Variants in BIN1 observed in about 807,000 individuals in gnomAD.
BIN1 encodes myc box-dependent-interacting protein 1.
Under a neutral mutation model 82.0 loss-of-function variants are expected in BIN1, and 53 were observed. That is an observed-to-expected ratio of 0.65 (90% CI 0.52 to 0.81). BIN1 has a LOEUF of 0.81. Among genes scored for constraint, BIN1 ranks in the 40% least tolerant of loss-of-function variants. BIN1 has a pLI of 0.00. For missense variants in BIN1, 642 were observed against 784.4 expected, an observed-to-expected ratio of 0.82 and a Z score of 2.17; for synonymous variants, 302 against 328.0, an observed-to-expected ratio of 0.92 and a Z score of 0.86.
chr2:127,051,526 C>T (rs1390308855), intron 15 of BIN1, among the ~76,000 whole-genome samples: 1 of 152,128 alleles, frequency 6.6e-6, no homozygotes, highest in African/African-American at 2.4e-5. Flanking sequence ...AGTGCCACCC[C>T]CAACCCCGCC....
chr2:127,106,455 C>T (rs1681143075), intron 1 of BIN1, among the ~76,000 whole-genome samples: 1 of 152,204 alleles, frequency 6.6e-6, no homozygotes, highest in Admixed American at 6.5e-5. Context: ...AGCGCCGGCC[C>T]AGCCTAGGTT....
rs1248551629 is a variant in BIN1, at chr2:127,068,720, C to G, written c.519+204G>C. Among the ~76,000 whole-genome samples, 1 of 152,128 alleles carries G rather than the reference C, an allele frequency of 6.6e-6. No homozygotes were observed. The highest frequency in any genetic ancestry group is 2.4e-5 in the African/African-American group (1 of 41,428). Reference sequence around the variant, plus strand: ...TCAGGGCTGAGGGGCCAGGGTGGCACGGGGGGCAGGAATGGGCCTAGGGTG... The same window carrying G: ...TCAGGGCTGAGGGGCCAGGGTGGCAGGGGGGGCAGGAATGGGCCTAGGGTG... On this transcript the variant is annotated intron_variant, in intron 6 of 18. Coordinates refer to ENST00000316724, the MANE Select transcript of BIN1 (RefSeq NM_139343.3). This position sits in a 1 kb window ranked among gnomAD's most constrained non-coding sequence, Gnocchi z 4.9.
rs538358541 is a variant in BIN1, at chr2:127,101,736, G to A, written c.84+5124C>T. ...AAAAAACTTATAGTTTATGGTGGGA[G>A]TAGTCAAGATTCACTCTAAAGCTCT... On this transcript the variant is annotated intron_variant, in intron 1 of 18. Transcript: ENST00000316724. 9.8e-5 allele frequency among the ~76,000 whole-genome samples: 15 copies of A among 152,322 alleles called. No individual in the cohort carries two copies. The South Asian group carries it at 3.1e-3, about 32-fold the overall frequency.
At chr2:127,096,306 C>T (rs1399032373) in intron 1 of BIN1, among the ~76,000 whole-genome samples, 1 of 152,192 alleles carries the variant, frequency 6.6e-6, no homozygotes, top group Non-Finnish European at 1.5e-5. Context: ...CACTGAAGTT[C>T]ACTTTCAAGA....
At chr2:127,076,203 A>G (rs926331110) in intron 2 of BIN1, among the ~76,000 whole-genome samples, 2 of 152,114 alleles carry the variant, frequency 1.3e-5, no homozygotes, top group Non-Finnish European at 2.9e-5. Context: ...ACAGCCAGGC[A>G]CACACCATGC....
chr2:127,088,424 T>C (rs552771819), intron 1 of BIN1, among the ~76,000 whole-genome samples: 1 of 152,252 alleles, frequency 6.6e-6, no homozygotes, highest in African/African-American at 2.4e-5. Context: ...TGAAAGGTGC[T>C]GTGAGCCTCC....
rs1442090725 is a variant in BIN1, at chr2:127,068,281, G to C, written c.520-26C>G. ...CTGGGGTGGGGAGGTCAAGGCAAAG[G>C]AAGGTGGAGAGACCAGGGAGGTGGG... On this transcript the variant is annotated intron_variant, in intron 6 of 18. Coordinates refer to ENST00000316724, the MANE Select transcript of BIN1 (RefSeq NM_139343.3). The surrounding 1 kb of genome is among the most constrained non-coding windows in gnomAD (Gnocchi z 4.9). The C allele has an allele frequency of 1.3e-6, 2 of 1,586,530 alleles. No homozygotes were observed. The highest frequency in any genetic ancestry group is 1.7e-6 in the Non-Finnish European group (2 of 1,161,706).
At chr2:127,058,531 C>A (rs975896884) in intron 11 of BIN1, among the ~76,000 whole-genome samples, 3 of 143,696 alleles carry the variant, frequency 2.1e-5, no homozygotes, top group African/African-American at 8.7e-5. Context: ...CCTTAGCCAC[C>A]CCACACCCTC....
At chr2:127,105,503 T>TCCCCC (rs1480065007) in intron 1 of BIN1, among the ~76,000 whole-genome samples, 1 of 137,842 alleles carries the variant, frequency 7.3e-6, no homozygotes, top group Non-Finnish European at 1.6e-5. Flanking sequence ...CTCCTCCTCC[T>TCCCCC]TCCCTGGGGT....
chr2:127,095,072 CAAAT>C (rs1420190021), intron 1 of BIN1, among the ~76,000 whole-genome samples: 2 of 152,164 alleles, frequency 1.3e-5, no homozygotes, highest in Admixed American at 1.3e-4. Flanking sequence ...AGAGGGGACA[CAAAT>C]AAATAAACTC....
chr2:127,051,002 A>C, intron 16 of BIN1, 90 bp from the exon 17 acceptor site: 6 of 1,508,066 alleles, frequency 4.0e-6, no homozygotes, highest in Non-Finnish European at 5.5e-6. Flanking sequence ...GAGGGGAGAA[A>C]GGTGTCTGCG....
intron 1 of BIN1, among the ~76,000 whole-genome samples, chr2:127,080,493 G>T (rs996217797): frequency 3.3e-5 from 5 of 152,218 alleles, no homozygotes; most frequent in Non-Finnish European, 7.3e-5. Flanking sequence ...CTGGGTGAGG[G>T]CCCCTTAGAC....
At chr2:127,106,171 C>T (rs978877270) in intron 1 of BIN1, among the ~76,000 whole-genome samples, 4 of 152,260 alleles carry the variant, frequency 2.6e-5, no homozygotes, top group African/African-American at 7.2e-5. Flanking sequence ...ACCCGCTCCC[C>T]GGCCGCCGGA....
intron 1 of BIN1, among the ~76,000 whole-genome samples, chr2:127,104,086 C>T (rs1417670982): frequency 6.6e-6 from 1 of 152,228 alleles, no homozygotes; most frequent in Non-Finnish European, 1.5e-5. Context: ...GAGACAGCAT[C>T]GGGGACTCAG....
rs1573542283 is a variant in BIN1 at position 127,052,714 on chromosome 2, C to T, written c.1264-352G>A. On this transcript the variant is annotated intron_variant, in intron 14 of 18. Coordinates refer to ENST00000316724, the MANE Select transcript of BIN1 (RefSeq NM_139343.3). ...CAGGAGCCTGGGCTGCCAGCGCATG[C>T]CCCAAGGGCGCCTGCACACCCGCCT... is the stretch of plus-strand genomic sequence containing the variant. 1.1e-5 allele frequency: 4 copies of T among 349,256 alleles called. No homozygotes were observed. In the Admixed American group the frequency reaches 1.8e-4, roughly 15 times the overall value. The allele number at this position is 349,256 out of a possible 1,614,324, so 21.6% of individuals were successfully genotyped here. A position where few individuals can be genotyped will look rare whatever the true frequency, so the allele number is the denominator to read the frequency against.
chr2:127,095,188 C>T (rs1573788162), intron 1 of BIN1, among the ~76,000 whole-genome samples: 1 of 152,226 alleles, frequency 6.6e-6, no homozygotes, highest in African/African-American at 2.4e-5. Flanking sequence ...CAGTTTAGAA[C>T]AAGAGTCAGC....
chr2:127,095,777 A>C (rs2105307532), intron 1 of BIN1, among the ~76,000 whole-genome samples: 1 of 152,312 alleles, frequency 6.6e-6, no homozygotes, highest in South Asian at 2.1e-4. Flanking sequence ...CCTACCTCAC[A>C]GGGCACAGAG....
intron 1 of BIN1, among the ~76,000 whole-genome samples, chr2:127,106,089 T>C (rs554424563): frequency 6.6e-6 from 1 of 152,314 alleles, no homozygotes; most frequent in African/African-American, 2.4e-5. Context: ...TCGGGTTTCC[T>C]GTGGCGCCTT....
intron 1 of BIN1, among the ~76,000 whole-genome samples, chr2:127,077,079 C>A (rs13433081): frequency 0.18 from 27,477 of 152,092 alleles, 2,649 homozygotes; most frequent in South Asian, 0.25. Flanking sequence ...AAGTGAGCCA[C>A]GCAGGGGAGG....
Sources: gnomAD v4.1 joint callset for allele counts (sites outside exome capture counted in the v4.1 genomes callset) on GRCh38, gnomAD v4.1.1 for gene constraint, Gnocchi (gnomAD v3.1) non-coding constraint, MANE v1.5 for transcripts, NCBI Gene and HGNC (gene_info 2026-07-23, HGNC 2026-07-21) for gene names.